Variants in TCN2 observed in about 807,000 individuals in gnomAD.
The protein encoded by TCN2 is transcobalamin 2.
Under a neutral mutation model 48.6 loss-of-function variants are expected in TCN2, and 34 were observed. That is an observed-to-expected ratio of 0.70 (90% CI 0.53 to 0.93). TCN2 has a LOEUF of 0.93. TCN2 is among the 40% of genes least tolerant of loss of function. TCN2 has a pLI of 0.00. For missense variants in TCN2, 652 were observed against 526.1 expected, an observed-to-expected ratio of 1.24 and a Z score of -2.34; for synonymous variants, 283 against 212.5, an observed-to-expected ratio of 1.33 and a Z score of -2.89.
chr22:30,618,480 T>A (rs752161341), intron 7 of TCN2, among the ~76,000 whole-genome samples: 13 of 151,908 alleles, frequency 8.6e-5, no homozygotes, highest in Admixed American at 8.5e-4. Flanking sequence ...GCCTCCTGAG[T>A]AGCTGGCGCT....
intron 2 of TCN2, among the ~76,000 whole-genome samples, chr22:30,611,628 C>G (rs1234561064): frequency 6.6e-6 from 1 of 152,252 alleles, no homozygotes; most frequent in African/African-American, 2.4e-5. Context: ...GTGCCTCAGC[C>G]ACCTGAATAG....
chr22:30,613,279 T>G (rs1342000240), intron 3 of TCN2, among the ~76,000 whole-genome samples: 1 of 151,982 alleles, frequency 6.6e-6, no homozygotes, highest in Non-Finnish European at 1.5e-5. Context: ...TTTTGTTTTT[T>G]GTTTGTTTGT....
intron 8 of TCN2, among the ~76,000 whole-genome samples, chr22:30,625,498 CTG>C (rs1212192539): frequency 3.3e-5 from 5 of 151,962 alleles, no homozygotes; most frequent in Non-Finnish European, 7.4e-5. Flanking sequence ...GGGTCTCACT[CTG>C]TCACCCACGC....
At chr22:30,626,205 C>A (rs980836934) in intron 8 of TCN2, among the ~76,000 whole-genome samples, 5 of 152,028 alleles carry the variant, frequency 3.3e-5, no homozygotes, top group Non-Finnish European at 7.4e-5. Context: ...CCTGATGGTC[C>A]CTAGGGTATT....
At position 30,627,218 on chromosome 22, in the gene TCN2, GAGC is replaced by G. The variant is rs1410356616; in HGVS notation, c.*699_*701del. 6.2e-6 allele frequency: 1 copy of G among 160,856 alleles called. No individual in the cohort carries two copies. Among genetic ancestry groups the G allele is most frequent in the Non-Finnish European group, 1.4e-5 (1 of 72,606 alleles). The allele number at this position is 160,856 out of a possible 1,614,324, so 10.0% of individuals were successfully genotyped here. On this transcript the variant is annotated 3_prime_UTR_variant, in exon 9 of 9. Coordinates refer to ENST00000215838, the MANE Select transcript of TCN2 (RefSeq NM_000355.4). ...GCAGTGATGACATTGACTACTGACTGAGCACCCACTACTATGACTGAGCACTCA... is the reference window on the plus strand; with the variant it reads ...GCAGTGATGACATTGACTACTGACTGACCCACTACTATGACTGAGCACTCA...
At chr22:30,613,665 G>A (rs915336360) in intron 3 of TCN2, among the ~76,000 whole-genome samples, 7 of 152,020 alleles carry the variant, frequency 4.6e-5, no homozygotes, top group Non-Finnish European at 7.4e-5. Flanking sequence ...TATGACTTAC[G>A]CCATAGTCTG....
intron 2 of TCN2, 49 bp downstream of exon 2, chr22:30,611,112 T>C (rs1452000142): frequency 3.1e-6 from 5 of 1,612,170 alleles, no homozygotes; most frequent in Non-Finnish European, 4.2e-6. Context: ...TACTAAGAGA[T>C]GGGAAACTTG....
intron 1 of TCN2, among the ~76,000 whole-genome samples, chr22:30,608,110 C>T (rs1208036955): frequency 1.3e-5 from 2 of 152,172 alleles, no homozygotes; most frequent in Non-Finnish European, 2.9e-5. Flanking sequence ...AGGCTCAGGG[C>T]TGCTCCTTCA....
rs554996626 is a variant in TCN2 at position 30,614,577 on chromosome 22, C to T, written c.580+76C>T. 10 of 1,588,856 alleles carry T rather than the reference C, an allele frequency of 6.3e-6. 1 individual carries two copies. The Admixed American group carries it at 8.6e-5, about 14-fold the overall frequency. On this transcript the variant is annotated intron_variant, in intron 4 of 8. Transcript: ENST00000215838. ...AGGTCTGCACTGATGACCTCCATAC[C>T]CTGGCCCCCACACTCACCTTTCCTT...
chr22:30,618,144 CTCTG>C (rs2087641770), intron 7 of TCN2, among the ~76,000 whole-genome samples: 1 of 141,160 alleles, frequency 7.1e-6, no homozygotes, highest in Non-Finnish European at 1.5e-5. Flanking sequence ...GAGATAGGGT[CTCTG>C]TCTGTTGCCC....
chr22:30,609,553 C>T (rs548263131), intron 1 of TCN2, among the ~76,000 whole-genome samples: 4 of 150,332 alleles, frequency 2.7e-5, no homozygotes, highest in Non-Finnish European at 4.4e-5. Flanking sequence ...CTCCCTTGCG[C>T]GTTTCAAGAA....
chr22:30,607,463 G>A, intron 1 of TCN2, 68 bp downstream of exon 1: 1 of 1,582,462 alleles, frequency 6.3e-7, no homozygotes, highest in Non-Finnish European at 8.7e-7. Context: ...TAGGGCATAG[G>A]ATGAGGGAAC....
In TCN2 at chr22:30,617,372, A is replaced by AG; in HGVS notation, c.984dup (p.Ile329AspfsTer10). The AG allele has an allele frequency of 4.3e-6, 7 of 1,614,148 alleles. No individual in the cohort carries two copies. The highest frequency in any genetic ancestry group is 5.9e-6 in the Non-Finnish European group (7 of 1,180,038). On this transcript the variant is annotated frameshift_variant, in exon 7 of 9. Coordinates refer to ENST00000215838, the MANE Select transcript of TCN2 (RefSeq NM_000355.4). LOFTEE classifies it high-confidence loss of function. ...GCTGAGACCATTCCTCAGACCCAAG[A>AG]GATCATCAGTGTCACGCTGCAGGTG...
At chr22:30,608,915 A>G (rs2087493765) in intron 1 of TCN2, among the ~76,000 whole-genome samples, 1 of 152,094 alleles carries the variant, frequency 6.6e-6, no homozygotes, top group Non-Finnish European at 1.5e-5. Context: ...GGGAATCTTG[A>G]ACTGGGGTTT....
chr22:30,618,343 G>T (rs1326741904), intron 7 of TCN2, among the ~76,000 whole-genome samples: 1 of 151,100 alleles, frequency 6.6e-6, no homozygotes, highest in East Asian at 1.9e-4. Flanking sequence ...TTGTGTATTT[G>T]TTTATTTTTA....
At chr22:30,614,218 C>A in intron 3 of TCN2, 131 bp from the exon 4 acceptor site, 1 of 1,206,472 alleles carries the variant, frequency 8.3e-7, no homozygotes, top group South Asian at 1.4e-5. Context: ...TGGGCTGAGG[C>A]AATGAAGGAA....
In TCN2 at chr22:30,612,947, C is replaced by T. The variant is rs747369511; in HGVS notation, c.332C>T (p.Ala111Val). The change falls in exon 3 of 9, where the codon GCT becomes GTT. Residue 111 changes from alanine to valine, a missense_variant. Ala to Val is a moderately conservative substitution (Grantham distance 64). Transcript: ENST00000215838. ...GGCCAGCTGGCCCTCTACCTGCTCGCTCTCAGAGCCAACTGTGAGTTTGTC... is the reference window on the plus strand; with the variant it reads ...GGCCAGCTGGCCCTCTACCTGCTCGTTCTCAGAGCCAACTGTGAGTTTGTC... The part of the protein sequence containing the change: ...SMGQLALYLL[A>V]LRANCEFVRG... 1.9e-6 allele frequency: 3 copies of T among 1,614,212 alleles called. No individual in the cohort carries two copies. The highest frequency in any genetic ancestry group is 1.1e-5 in the South Asian group (1 of 91,084).
chr22:30,612,897 T>C lies in TCN2; in HGVS notation c.282T>C (p.Gly94=), dbSNP rs766893729. 9.3e-6 allele frequency: 15 copies of C among 1,613,990 alleles called. No homozygotes were observed. In the Admixed American group the frequency reaches 2.2e-4, roughly 23 times the overall value. Residue 94 remains glycine, a synonymous_variant, in exon 3 of 9, where the codon GGT becomes GGC. Coordinates refer to ENST00000215838, the MANE Select transcript of TCN2 (RefSeq NM_000355.4). The stretch of plus-strand genomic sequence containing the variant: ...GGTCTGCCTTCAGCGAGGATGACGG[T>C]GACTGCCAGGGCAAGCCTTCCATGG... ...LLGSAFSEDD[G]DCQGKPSMGQ...
rs1201136556 is a variant in TCN2 at position 30,610,939 on chromosome 22, C to G, written c.133C>G (p.Leu45Val). 1 of 1,614,226 alleles carries G rather than the reference C, an allele frequency of 6.2e-7. No homozygotes were observed. The highest frequency in any genetic ancestry group is 1.1e-5 in the South Asian group (1 of 91,086). The change falls in exon 2 of 9, where the codon CTT (leucine) becomes GTT (valine). Residue 45 changes from leucine (L) to valine (V), a missense_variant. Transcript: ENST00000215838. ...GQHLLPWMDR[L>V]SLEHLNPSIY... Reference sequence around the variant, plus strand: ...GCACCTCTTACCTTGGATGGACCGGCTTTCCCTGGAGCACTTGAACCCCAG... The same window carrying G: ...GCACCTCTTACCTTGGATGGACCGGGTTTCCCTGGAGCACTTGAACCCCAG...
Sources: allele counts gnomAD v4.1 joint callset (sites outside exome capture counted in the v4.1 genomes callset), GRCh38; gene constraint gnomAD v4.1.1; transcripts MANE v1.5; gene names NCBI Gene and HGNC (gene_info 2026-07-23, HGNC 2026-07-21).